FAT3: variants seen among roughly 807,000 people sequenced by gnomAD.
FAT3 encodes FAT atypical cadherin 3, also known as protocadherin Fat 3.
Under a neutral mutation model 310.2 loss-of-function variants are expected in FAT3, and 95 were observed. The ratio of observed to expected loss-of-function variants is 0.31; its 90% CI spans 0.26 to 0.36. The LOEUF (loss-of-function observed/expected upper bound fraction) is 0.36, where lower values mean the gene tolerates loss of function less well. Among genes scored for constraint, FAT3 ranks in the 10% least tolerant of loss-of-function variants. The pLI is 1.00. For synonymous variants in FAT3, 2,314 were observed against 2,192.9 expected, an observed-to-expected ratio of 1.06 and a Z score of -1.54; for missense variants, 5,408 against 5,715.6, an observed-to-expected ratio of 0.95 and a Z score of 1.74.
chr11:92,814,012 G>C lies in FAT3; in HGVS notation c.9481+3936G>C, dbSNP rs528266528. Among the ~76,000 whole-genome samples the C allele has an allele frequency of 4.6e-5, 7 of 152,298 alleles. No homozygotes were observed. The South Asian group carries it at 1.5e-3, about 32-fold the overall frequency. On this transcript the variant is annotated intron_variant, in intron 13 of 27. Transcript: ENST00000525166. Reference sequence around the variant, plus strand: ...TTATAAAAGAGGCTTCAGGGAGCCTGTTCTTCTCTTCTGTCATGCAAGAAC... The same window carrying C: ...TTATAAAAGAGGCTTCAGGGAGCCTCTTCTTCTCTTCTGTCATGCAAGAAC...
At chr11:92,284,544 G>C (rs919968415) in intron 1 of FAT3, among the ~76,000 whole-genome samples, 15 of 152,076 alleles carry the variant, frequency 9.9e-5, no homozygotes, top group African/African-American at 3.1e-4. Flanking sequence ...AGCAGGATTA[G>C]GGTGGGAAGA....
intron 2 of FAT3, among the ~76,000 whole-genome samples, chr11:92,437,174 A>T (rs574668372): frequency 2.0e-5 from 3 of 152,204 alleles, no homozygotes; most frequent in Non-Finnish European, 4.4e-5. Context: ...ATAAACTCTC[A>T]TCCTTCTTTT....
At chr11:92,357,563 C>T (rs1298147738) in intron 2 of FAT3, among the ~76,000 whole-genome samples, 2 of 152,106 alleles carry the variant, frequency 1.3e-5, no homozygotes, top group East Asian at 1.9e-4. Context: ...TATGGCTCTC[C>T]AGTGATGAAC....
At chr11:92,482,060 T>C (rs1358195002) in intron 2 of FAT3, among the ~76,000 whole-genome samples, 1 of 152,150 alleles carries the variant, frequency 6.6e-6, no homozygotes, top group African/African-American at 2.4e-5. Flanking sequence ...TAAGACTATA[T>C]ATATGTTCTT....
intron 3 of FAT3, among the ~76,000 whole-genome samples, chr11:92,620,945 GAGA>G: frequency 6.6e-6 from 1 of 152,290 alleles, no homozygotes; most frequent in Non-Finnish European, 1.5e-5. Flanking sequence ...AGAGCAGAGA[GAGA>G]AGAAGCAAGC....
At chr11:92,595,615 T>C (rs909299049) in intron 3 of FAT3, among the ~76,000 whole-genome samples, 8 of 152,216 alleles carry the variant, frequency 5.3e-5, no homozygotes, top group Non-Finnish European at 8.8e-5. Flanking sequence ...ACTCACATAA[T>C]GAAGTAATAA....
intron 3 of FAT3, among the ~76,000 whole-genome samples, chr11:92,579,803 G>A (rs1197261393): frequency 6.6e-6 from 1 of 152,086 alleles, no homozygotes; most frequent in Non-Finnish European, 1.5e-5. Flanking sequence ...TGTAGGATTA[G>A]CCACACTGTA....
At chr11:92,359,636 C>A (rs1451461092) in intron 2 of FAT3, among the ~76,000 whole-genome samples, 3 of 143,364 alleles carry the variant, frequency 2.1e-5, no homozygotes, top group Admixed American at 7.1e-5. Flanking sequence ...CCGCTCCCCC[C>A]ACCCCACCAC....
At position 92,798,050 on chromosome 11, in the gene FAT3, A is replaced by G; in HGVS notation, c.5037A>G (p.Glu1679=). The G allele has an allele frequency of 6.2e-7, 1 of 1,613,938 alleles. No individual in the cohort carries two copies. Among genetic ancestry groups the G allele is most frequent in the Non-Finnish European group, 8.5e-7 (1 of 1,179,866 alleles). ...TCATTCACAAAGACTACCAAGCAGA[A>G]GTAAATGAAAATGTTGACATTGGAA... The part of the protein sequence containing the change: ...PKFIHKDYQA[E]VNENVDIGTS... Residue 1679 remains glutamate, a synonymous_variant, in exon 10 of 28, where the codon GAA becomes GAG. Coordinates refer to ENST00000525166, the MANE Select transcript of FAT3 (RefSeq NM_001367949.2).
At chr11:92,862,143 A>G (rs1051136984) in intron 21 of FAT3, among the ~76,000 whole-genome samples, 2 of 152,230 alleles carry the variant, frequency 1.3e-5, no homozygotes, top group Non-Finnish European at 2.9e-5. Context: ...TTAAGAGCCA[A>G]CCAGTGAAGT....
chr11:92,672,823 G>A (rs1289852218), intron 3 of FAT3, among the ~76,000 whole-genome samples: 1 of 152,162 alleles, frequency 6.6e-6, no homozygotes, highest in Non-Finnish European at 1.5e-5. Context: ...TGTTTTGCTG[G>A]AAGGCGGAAC....
intron 3 of FAT3, among the ~76,000 whole-genome samples, chr11:92,619,697 G>A (rs1940992340): frequency 6.6e-6 from 1 of 151,624 alleles, no homozygotes; most frequent in Non-Finnish European, 1.5e-5. Flanking sequence ...TTTTTGTAAA[G>A]TTAATAGTCG....
At chr11:92,304,665 T>C (rs140201200) in intron 1 of FAT3, among the ~76,000 whole-genome samples, 192 of 152,176 alleles carry the variant, frequency 1.3e-3, no homozygotes, top group African/African-American at 4.5e-3. Flanking sequence ...AGGGCATTCT[T>C]TGATGTGTGA....
chr11:92,787,054 A>G (rs1029662389), intron 7 of FAT3, among the ~76,000 whole-genome samples: 8 of 152,140 alleles, frequency 5.3e-5, no homozygotes, highest in South Asian at 2.1e-4. Context: ...GGCCTGTACT[A>G]CTGGATGTCA....
intron 22 of FAT3, among the ~76,000 whole-genome samples, chr11:92,870,228 G>C (rs1166054488): frequency 6.6e-6 from 1 of 152,132 alleles, no homozygotes; most frequent in Non-Finnish European, 1.5e-5. Context: ...AGGGATACAG[G>C]ATTCTGCCCC....
chr11:92,496,143 C>T (rs952414656), intron 2 of FAT3, among the ~76,000 whole-genome samples: 3 of 151,968 alleles, frequency 2.0e-5, no homozygotes, highest in East Asian at 1.9e-4. Flanking sequence ...CCCTTTCAAC[C>T]GTCTTACCTA....
intron 3 of FAT3, among the ~76,000 whole-genome samples, chr11:92,556,093 T>C (rs141515571): frequency 6.6e-6 from 1 of 152,334 alleles, no homozygotes; most frequent in African/African-American, 2.4e-5. Flanking sequence ...CAACAAATGT[T>C]GGCTATGATG....
At chr11:92,507,291 T>G (rs1011548486) in intron 2 of FAT3, among the ~76,000 whole-genome samples, 1 of 152,064 alleles carries the variant, frequency 6.6e-6, no homozygotes, top group Non-Finnish European at 1.5e-5. Context: ...CTGGAGAAAC[T>G]CAATTAGAGA....
intron 1 of FAT3, among the ~76,000 whole-genome samples, chr11:92,259,645 C>G (rs1484329302): frequency 1.3e-5 from 2 of 152,078 alleles, no homozygotes; most frequent in Non-Finnish European, 2.9e-5. Context: ...TGTTTGTGCT[C>G]AGAACTTAGA....
Sources: allele counts gnomAD v4.1 joint callset (sites outside exome capture counted in the v4.1 genomes callset), GRCh38; gene constraint gnomAD v4.1.1; transcripts MANE v1.5; gene names NCBI Gene and HGNC (gene_info 2026-07-23, HGNC 2026-07-21).